ARAP1: variants seen among roughly 807,000 people sequenced by gnomAD.
The protein encoded by ARAP1 is arf-GAP with Rho-GAP domain, ANK repeat and PH domain-containing protein 1.
A neutral mutation model predicts 172.2 loss-of-function variants in ARAP1; 76 were observed. The ratio of observed to expected loss-of-function variants is 0.44; its 90% CI spans 0.37 to 0.53. The LOEUF (loss-of-function observed/expected upper bound fraction) is 0.53. Among genes scored for constraint, ARAP1 ranks in the 20% least tolerant of loss-of-function variants. The probability of loss-of-function intolerance (pLI) is 0.00; values close to 1 mark genes in which losing one functional copy is unlikely to be tolerated. For synonymous variants in ARAP1, 804 were observed against 803.3 expected, an observed-to-expected ratio of 1.00 and a Z score of -0.01; for missense variants, 1,686 against 1,977.5, an observed-to-expected ratio of 0.85 and a Z score of 2.80.
intron 13 of ARAP1, 176 bp from the exon 14 acceptor site, chr11:72,704,510 C>A: frequency 1.5e-6 from 1 of 657,536 alleles, no homozygotes; most frequent in Non-Finnish European, 2.5e-6. Context: ...GATGCTCCTG[C>A]CACCAGCACT....
At position 72,752,390 on chromosome 11, in the gene ARAP1, G is replaced by A. The variant is rs7109575; in HGVS notation, c.-190C>T. The A allele has an allele frequency of 0.13, 19,623 of 152,360 alleles. 1,503 individuals are homozygous for A. Among genetic ancestry groups the A allele is most frequent in the South Asian group, 0.2 (961 of 4,858 alleles). 9.4% of individuals were successfully genotyped at this position (152,360 alleles called of 1,614,324 possible). A position where few individuals can be genotyped will look rare whatever the true frequency, so the allele number is the denominator to read the frequency against. On this transcript the variant is annotated 5_prime_UTR_variant, in exon 1 of 35. Coordinates refer to ENST00000393609, the MANE Select transcript of ARAP1 (RefSeq NM_001040118.3). ...ACCGGCGCCGCCACCGACTTACACC[G>A]CCACCGCCAAATTGCAGCAAGGGGC... is the stretch of plus-strand genomic sequence containing the variant.
chr11:72,706,818 G>A (rs1856785574), intron 12 of ARAP1, among the ~76,000 whole-genome samples: 2 of 152,148 alleles, frequency 1.3e-5, no homozygotes, highest in African/African-American at 4.8e-5. Flanking sequence ...GCAAAGCCCT[G>A]CCTGGCCCCT....
At chr11:72,750,866 G>T (rs1858512064) in intron 1 of ARAP1, among the ~76,000 whole-genome samples, 1 of 152,188 alleles carries the variant, frequency 6.6e-6, no homozygotes, top group Non-Finnish European at 1.5e-5. Flanking sequence ...GCAGGAAGGA[G>T]GGGCAACAGC....
At position 72,692,618 on chromosome 11, in the gene ARAP1, G is replaced by C. The variant is rs924624988; in HGVS notation, c.3987+135C>G. ...AGCTTAGGCCCCAGGATAGGGGCCAGTGCCAACGGGCAAGGGGGCAGGGAT... is the reference window on the plus strand; with the variant it reads ...AGCTTAGGCCCCAGGATAGGGGCCACTGCCAACGGGCAAGGGGGCAGGGAT... On this transcript the variant is annotated intron_variant, in intron 30 of 34. Coordinates refer to ENST00000393609, the MANE Select transcript of ARAP1 (RefSeq NM_001040118.3). 5.9e-6 allele frequency: 7 copies of C among 1,183,394 alleles called. No individual in the cohort carries two copies. In the African/African-American group the frequency reaches 7.5e-5, roughly 13 times the overall value. The allele number at this position is 1,183,394 out of a possible 1,614,324, so 73.3% of individuals were successfully genotyped here.
At chr11:72,733,398 GA>G (rs1466691639) in intron 1 of ARAP1, among the ~76,000 whole-genome samples, 36 of 152,224 alleles carry the variant, frequency 2.4e-4, no homozygotes, top group Admixed American at 2.4e-3. Flanking sequence ...TGGGGACCAT[GA>G]AGTGGCCTGA....
At chr11:72,730,040 GC>G (rs1327373366) in intron 2 of ARAP1, among the ~76,000 whole-genome samples, 3 of 151,982 alleles carry the variant, frequency 2.0e-5, no homozygotes, top group Non-Finnish European at 4.4e-5. Flanking sequence ...AAGCACTCTT[GC>G]ATGGTAAAAA....
rs1216348174 is a variant in ARAP1, at chr11:72,697,120, T to C, written c.3029A>G (p.Gln1010Arg). 1 of 1,607,002 alleles carries C rather than the reference T, an allele frequency of 6.2e-7. No individual in the cohort carries two copies. The highest frequency in any genetic ancestry group is 2.2e-5 in the East Asian group (1 of 44,866). The change falls in exon 22 of 35, where the codon CAG becomes CGG. Residue 1010 changes from glutamine (Q) to arginine (R), a missense_variant. By Grantham distance (43) the Gln-to-Arg change is conservative (BLOSUM62 1). Coordinates refer to ENST00000393609, the MANE Select transcript of ARAP1 (RefSeq NM_001040118.3). Reference protein sequence around the residue: ...KTQRLLESLRQDARSVHLKEG... With the variant: ...KTQRLLESLRRDARSVHLKEG... ...CTTGAGGTGCACAGAGCGCGCATCC[T>C]GCCGCAGGCTCTCCAGCAGCCGCTG...
chr11:72,702,811 G>C, intron 15 of ARAP1, 94 bp downstream of exon 15: 1 of 1,448,118 alleles, frequency 6.9e-7, no homozygotes, highest in Non-Finnish European at 9.3e-7. Flanking sequence ...ACAGGCCCTT[G>C]AGGAGCTGCG....
chr11:72,705,809 A>G lies in ARAP1; in HGVS notation c.1805T>C (p.Ile602Thr). 2.5e-6 allele frequency: 4 copies of G among 1,614,066 alleles called. No individual in the cohort carries two copies. The highest frequency in any genetic ancestry group is 1.3e-5 in the African/African-American group (1 of 75,030). Residue 602 changes from isoleucine (I) to threonine (T), a missense_variant, in exon 13 of 35, where the codon ATC becomes ACC. Ile to Thr is a moderately conservative substitution (Grantham distance 89). Around this residue, in one of 5 missense-constraint regions of ARAP1, gnomAD observed 688 missense variants for 856.9 expected, o/e 0.80. Transcript: ENST00000393609. ...MDRKVWTETL[I>T]ELFLQLGNGA... The stretch of plus-strand genomic sequence containing the variant: ...GGCAAGCAGGGGCATCCCCACCTCG[A>G]TAAGTGTTTCTGTCCACACCTTCCT...
chr11:72,732,179 C>A (rs1012886991), intron 2 of ARAP1, among the ~76,000 whole-genome samples: 1 of 152,086 alleles, frequency 6.6e-6, no homozygotes, highest in Non-Finnish European at 1.5e-5. Flanking sequence ...AATGTGATAA[C>A]CATGAATAGA....
At chr11:72,737,810 G>A (rs1478919910) in intron 1 of ARAP1, among the ~76,000 whole-genome samples, 1 of 152,142 alleles carries the variant, frequency 6.6e-6, no homozygotes. Flanking sequence ...TTTTTGTAGA[G>A]ATGGGGTTTT....
rs569018334 is a variant in ARAP1, at chr11:72,697,005, G to T, written c.3144C>A (p.Arg1048=). Residue 1048 remains arginine (R), a synonymous_variant, in exon 22 of 35, where the codon CGC becomes CGA. Coordinates refer to ENST00000393609, the MANE Select transcript of ARAP1 (RefSeq NM_001040118.3). The part of the protein sequence containing the change: ...LPDGLFTRAQ[R]LTWLEASEIE... ...CACCTGAGGCCTCCAGCCAGGTTAG[G>T]CGCTGGGCGCGAGTGAAGAGCCCAT... The T allele has an allele frequency of 1.2e-6, 2 of 1,607,332 alleles. No individual in the cohort carries two copies. The highest frequency in any genetic ancestry group is 1.7e-6 in the Non-Finnish European group (2 of 1,179,758).
chr11:72,709,345 G>T (rs1030806985), intron 11 of ARAP1, among the ~76,000 whole-genome samples: 5 of 152,244 alleles, frequency 3.3e-5, no homozygotes, highest in Non-Finnish European at 7.3e-5. Flanking sequence ...GCTAGTCAGT[G>T]GTGGACCCAG....
At position 72,699,367 on chromosome 11, in the gene ARAP1, G is replaced by A; in HGVS notation, c.2438+50C>T. 6.2e-7 allele frequency: 1 copy of A among 1,610,174 alleles called. No homozygotes were observed. Among genetic ancestry groups the A allele is most frequent in the Admixed American group, 1.7e-5 (1 of 59,922 alleles). ...GTCTATTTCCCTGTCTCCCCAGTGG[G>A]GGATTGTACCTTATAGCAACCACAG... On this transcript the variant is annotated intron_variant, in intron 17 of 34. Transcript: ENST00000393609. This position sits in a 1 kb window ranked among gnomAD's most constrained non-coding sequence, Gnocchi z 4.2.
rs946024833 is a variant in ARAP1, at chr11:72,723,603, G to A, written c.509+3017C>T. On this transcript the variant is annotated intron_variant, in intron 3 of 34. Transcript: ENST00000393609. Reference sequence around the variant, plus strand: ...GTTGGGTAGTAGGATGGGGGACAGGGAGCTGGGGCGGTGAGCTCAGGGCCC... The same window carrying A: ...GTTGGGTAGTAGGATGGGGGACAGGAAGCTGGGGCGGTGAGCTCAGGGCCC... 3.3e-5 allele frequency among the ~76,000 whole-genome samples: 5 copies of A among 152,324 alleles called. No homozygotes were observed. The South Asian group carries it at 1.0e-3, about 32-fold the overall frequency.
intron 12 of ARAP1, 59 bp from the exon 13 acceptor site, chr11:72,705,949 C>T (rs1856739453): frequency 6.4e-7 from 1 of 1,567,708 alleles, no homozygotes; most frequent in East Asian, 2.2e-5. Flanking sequence ...GGAGCACTTA[C>T]CCACCCCCAG....
chr11:72,711,708 T>C (rs1178097293), intron 7 of ARAP1, among the ~76,000 whole-genome samples: 1 of 150,036 alleles, frequency 6.7e-6, no homozygotes, highest in Non-Finnish European at 1.5e-5. Flanking sequence ...TTTTTTTTTT[T>C]TTTTTGAGAC....
At position 72,710,310 on chromosome 11, in the gene ARAP1, G is replaced by A. The variant is rs1856956357; in HGVS notation, c.1416+75C>T. Reference sequence around the variant, plus strand: ...GGAAAAGAGGGAACAGAAAAGGCAGGGCTAAGGCCCTAGGTCAGCCTGGGG... The same window carrying A: ...GGAAAAGAGGGAACAGAAAAGGCAGAGCTAAGGCCCTAGGTCAGCCTGGGG... On this transcript the variant is annotated intron_variant, in intron 10 of 34. Transcript: ENST00000393609. The surrounding 1 kb of genome is among the most constrained non-coding windows in gnomAD (Gnocchi z 4.3). 6.4e-7 allele frequency: 1 copy of A among 1,559,588 alleles called. No individual in the cohort carries two copies. Among genetic ancestry groups the A allele is most frequent in the South Asian group, 1.1e-5 (1 of 87,230 alleles).
intron 3 of ARAP1, 35 bp from the exon 4 acceptor site, chr11:72,714,356 A>G: frequency 6.5e-7 from 1 of 1,537,042 alleles, no homozygotes; most frequent in South Asian, 1.2e-5. Context: ...ATCACTAAGC[A>G]ACAGAGCCAA....
Sources: gnomAD v4.1 joint callset for allele counts (sites outside exome capture counted in the v4.1 genomes callset) on GRCh38, gnomAD v4.1.1 for gene constraint, gnomAD v4.1.1 regional missense constraint, Gnocchi (gnomAD v3.1) non-coding constraint, MANE v1.5 for transcripts, NCBI Gene and HGNC (gene_info 2026-07-23, HGNC 2026-07-21) for gene names.